Variants in PPP1R12A observed in about 807,000 individuals in gnomAD.
PPP1R12A encodes the protein protein phosphatase 1 regulatory subunit 12A.
In PPP1R12A, 19 loss-of-function variants were observed where a neutral mutation model predicts 139.6. The observed-to-expected ratio is 0.14, with a 90% CI of 0.09 to 0.20. The LOEUF (loss-of-function observed/expected upper bound fraction) is 0.20, where lower values mean the gene tolerates loss of function less well. PPP1R12A is among the 10% of genes least tolerant of loss of function. The pLI is 1.00. For synonymous variants in PPP1R12A, 427 were observed against 420.6 expected (o/e 1.02, Z -0.19); for missense variants, 925 against 1,211.5 (o/e 0.76, Z 3.51).
In PPP1R12A at chr12:79,845,354, A is replaced by G. The variant is rs1429294117; in HGVS notation, c.435T>C (p.Ile145=). 6.2e-7 allele frequency: 1 copy of G among 1,613,608 alleles called. No individual in the cohort carries two copies. Among genetic ancestry groups the G allele is most frequent in the East Asian group, 2.2e-5 (1 of 44,844 alleles). The change falls in exon 3 of 25, where the codon ATT becomes ATC. Residue 145 remains isoleucine (I), a synonymous_variant. Transcript: ENST00000450142. The stretch of plus-strand genomic sequence containing the variant: ...GCTCTTCCATTGCCTCCTCCTCCGC[A>G]ATATCTAAAGGTGTATCTCCTTCAC... ...VNSEGDTPLD[I]AEEEAMEELL...
chr12:79,922,248 C>G (rs73138679), intron 1 of PPP1R12A, among the ~76,000 whole-genome samples: 56 of 152,170 alleles, frequency 3.7e-4, no homozygotes, highest in Non-Finnish European at 7.1e-4. Context: ...GGTAACAGAG[C>G]AAGACCCCAT....
At chr12:79,935,353 C>G (rs1267687652), upstream of PPP1R12A, 10 of 1,008,098 alleles carry the variant, frequency 9.9e-6, no homozygotes, top group African/African-American at 1.7e-5. Context: ...TGGGACAGAC[C>G]TGGAAAGGAG....
intron 14 of PPP1R12A, among the ~76,000 whole-genome samples, chr12:79,799,083 C>G (rs1872790028): frequency 6.6e-6 from 1 of 152,134 alleles, no homozygotes; most frequent in Admixed American, 6.5e-5. Context: ...TTAAATTATT[C>G]TCTACCTACA....
At chr12:79,915,244 G>T (rs1304305677) in intron 1 of PPP1R12A, among the ~76,000 whole-genome samples, 1 of 152,076 alleles carries the variant, frequency 6.6e-6, no homozygotes, top group Non-Finnish European at 1.5e-5. Context: ...TTGCTTATGT[G>T]TGAGAATGTA....
Position 79,872,797 on chromosome 12 carries a change from A to T in PPP1R12A, c.368+11T>A, listed in dbSNP as rs2137334643. On this transcript the variant is annotated intron_variant, in intron 2 of 24. Coordinates refer to ENST00000450142, the MANE Select transcript of PPP1R12A (RefSeq NM_002480.3). ...GTATTAGAATAAAATGAAAACACAGAACTGGCTTACTCTGCAATATCAAGA... is the reference window on the plus strand; with the variant it reads ...GTATTAGAATAAAATGAAAACACAGTACTGGCTTACTCTGCAATATCAAGA... 4 of 1,612,874 alleles carry T rather than the reference A, an allele frequency of 2.5e-6. No individual in the cohort carries two copies. In the South Asian group the frequency reaches 4.4e-5, roughly 18 times the overall value.
In PPP1R12A at chr12:79,788,680, G is replaced by T; in HGVS notation, c.2770C>A (p.Leu924Ile). 6.2e-7 allele frequency: 1 copy of T among 1,612,592 alleles called. No individual in the cohort carries two copies. Among genetic ancestry groups the T allele is most frequent in the Non-Finnish European group, 8.5e-7 (1 of 1,179,268 alleles). ...AAGTCAGTTGAGTCATCCTTTTCTA[G>T]CCTGCTGCTGTAAGGTTTTCTTTCT... The part of the protein sequence containing the change: ...LEERKPYSSR[L>I]EKDDSTDFKK... Residue 924 changes from leucine (L) to isoleucine (I), a missense_variant, in exon 21 of 25, where the codon CTA (leucine) becomes ATA (isoleucine). Coordinates refer to ENST00000450142, the MANE Select transcript of PPP1R12A (RefSeq NM_002480.3).
At chr12:79,810,472 C>T (rs1874386628) in intron 9 of PPP1R12A, among the ~76,000 whole-genome samples, 1 of 152,160 alleles carries the variant, frequency 6.6e-6, no homozygotes, top group South Asian at 2.1e-4. Context: ...GCAGGATCTA[C>T]TGATTCCACC....
In PPP1R12A at chr12:79,778,742, A is replaced by G. The variant is rs1241391714; in HGVS notation, c.2956-142T>C. ...AAAGATGTGATGCCAGTGATATGTA[A>G]AGAGCTTTCCAAAATTTGACAAAAA... On this transcript the variant is annotated intron_variant, in intron 23 of 24. Coordinates refer to ENST00000450142, the MANE Select transcript of PPP1R12A (RefSeq NM_002480.3). 1.1e-5 allele frequency: 5 copies of G among 473,358 alleles called. 1 individual carries two copies. The East Asian group carries it at 1.6e-4, about 15-fold the overall frequency. The allele number at this position is 473,358 out of a possible 1,614,324, so 29.3% of individuals were successfully genotyped here. A position where few individuals can be genotyped will look rare whatever the true frequency, so the allele number is the denominator to read the frequency against.
intron 1 of PPP1R12A, among the ~76,000 whole-genome samples, chr12:79,895,511 C>T (rs542453516): frequency 2.0e-5 from 3 of 151,888 alleles, no homozygotes; most frequent in East Asian, 1.9e-4. Context: ...GAAATAGAAG[C>T]AGCTCAGCTT....
At position 79,817,401 on chromosome 12, in the gene PPP1R12A, A is replaced by G; in HGVS notation, c.1232T>C (p.Ile411Thr). 1 of 1,611,308 alleles carries G rather than the reference A, an allele frequency of 6.2e-7. No homozygotes were observed. The stretch of plus-strand genomic sequence containing the variant: ...AATACAATTTTGGCTTACCTTTTTA[A>G]TAGGTGATGTAGGTGTTGCTTGACC... ...SSGQATPTSP[I>T]KKFPTTATKI... Residue 411 changes from isoleucine to threonine, a missense_variant, in exon 9 of 25, where the codon ATT becomes ACT. Ile to Thr is a moderately conservative substitution (Grantham distance 89). Coordinates refer to ENST00000450142, the MANE Select transcript of PPP1R12A (RefSeq NM_002480.3).
At chr12:79,880,936 T>C (rs923299052) in intron 1 of PPP1R12A, among the ~76,000 whole-genome samples, 2 of 152,182 alleles carry the variant, frequency 1.3e-5, no homozygotes, top group Non-Finnish European at 2.9e-5. Context: ...TTACTAGATC[T>C]GTTATGGTGA....
At position 79,774,554 on chromosome 12, in the gene PPP1R12A, G is replaced by T; in HGVS notation, c.*1375C>A. 6.6e-6 allele frequency: 1 copy of T among 151,868 alleles called. No homozygotes were observed. Among genetic ancestry groups the T allele is most frequent in the Non-Finnish European group, 1.5e-5 (1 of 67,872 alleles). 9.4% of individuals were successfully genotyped at this position (151,868 alleles called of 1,614,324 possible). The stretch of plus-strand genomic sequence containing the variant: ...CAGAAAGATGTAGTATTTTTTGCAT[G>T]GTTTAATGAAAATATAAAAGCTATT... On this transcript the variant is annotated 3_prime_UTR_variant, in exon 25 of 25. Coordinates refer to ENST00000450142, the MANE Select transcript of PPP1R12A (RefSeq NM_002480.3).
At chr12:79,795,585 T>C in intron 18 of PPP1R12A, 53 bp downstream of exon 18, 1 of 1,537,764 alleles carries the variant, frequency 6.5e-7, no homozygotes, top group Non-Finnish European at 8.8e-7. Flanking sequence ...TTTGGACACA[T>C]TAAGAATACT....
At position 79,863,791 on chromosome 12, in the gene PPP1R12A, A is replaced by G. The variant is rs1045442992; in HGVS notation, c.368+9017T>C. Among the ~76,000 whole-genome samples, 8 of 152,196 alleles carry G rather than the reference A, an allele frequency of 5.3e-5. 1 individual carries two copies. Among genetic ancestry groups the G allele is most frequent in the Non-Finnish European group, 1.5e-5 (1 of 68,036 alleles). ...ATCAATTCAACAAGAAGAGCTAACT[A>G]TCTTAAATATGTATGCACCCAATAC... On this transcript the variant is annotated intron_variant, in intron 2 of 24. Transcript: ENST00000450142.
intron 2 of PPP1R12A, among the ~76,000 whole-genome samples, chr12:79,859,759 A>G (rs1881106624): frequency 6.6e-6 from 1 of 152,158 alleles, no homozygotes; most frequent in South Asian, 2.1e-4. Flanking sequence ...AAAAATAAAA[A>G]TAAAAAAATT....
intron 9 of PPP1R12A, among the ~76,000 whole-genome samples, chr12:79,817,184 TATC>T (rs1218171640): frequency 6.6e-6 from 1 of 152,172 alleles, no homozygotes; most frequent in Non-Finnish European, 1.5e-5. Context: ...CCAACTGTAA[TATC>T]AACAGTAATA....
chr12:79,844,629 A>G (rs185043303), intron 3 of PPP1R12A, among the ~76,000 whole-genome samples: 29 of 152,312 alleles, frequency 1.9e-4, no homozygotes, highest in African/African-American at 5.8e-4. Context: ...TTTTCAACAC[A>G]AGAGCCAGAG....
chr12:79,843,651 T>C (rs761470257), intron 3 of PPP1R12A, among the ~76,000 whole-genome samples: 1 of 148,426 alleles, frequency 6.7e-6, no homozygotes, highest in Non-Finnish European at 1.5e-5. Flanking sequence ...GATATAGATA[T>C]AGATATAGAT....
chr12:79,900,372 ACCAGTGCAGGGATTTTTGT>A (rs1325675569), intron 1 of PPP1R12A, among the ~76,000 whole-genome samples: 1 of 152,188 alleles, frequency 6.6e-6, no homozygotes, highest in African/African-American at 2.4e-5. Context: ...TGTAAACTCC[ACCAGTGCAGGGATTTTTGT>A]CTGCTTTGTG....
Sources: gnomAD v4.1 joint callset for allele counts (sites outside exome capture counted in the v4.1 genomes callset) on GRCh38, gnomAD v4.1.1 for gene constraint, MANE v1.5 for transcripts, NCBI Gene and HGNC (gene_info 2026-07-23, HGNC 2026-07-21) for gene names.